CADM2: variants seen among roughly 807,000 people sequenced by gnomAD.
The protein encoded by CADM2 is cell adhesion molecule 2.
In CADM2, 12 loss-of-function variants were observed where a neutral mutation model predicts 49.8. The ratio of observed to expected loss-of-function variants is 0.24; its 90% CI spans 0.15 to 0.39. The LOEUF (loss-of-function observed/expected upper bound fraction) is 0.39. Among genes scored for constraint, CADM2 ranks in the 10% least tolerant of loss-of-function variants. The pLI is 1.00. For synonymous variants in CADM2, 214 were observed against 175.4 expected (o/e 1.22, Z -1.74); for missense variants, 378 against 492.3 (o/e 0.77, Z 2.20).
At chr3:85,513,662 T>G (rs1009959967) in intron 1 of CADM2, among the ~76,000 whole-genome samples, 1 of 152,006 alleles carries the variant, frequency 6.6e-6, no homozygotes, top group Admixed American at 6.6e-5. Context: ...AAAAAACTTT[T>G]TTGGCATAAA....
intron 1 of CADM2, among the ~76,000 whole-genome samples, chr3:85,007,139 A>G (rs563927890): frequency 6.6e-6 from 1 of 152,278 alleles, no homozygotes; most frequent in Non-Finnish European, 1.5e-5. Context: ...AGAAATAAGG[A>G]AAAATATTGA....
intron 2 of CADM2, among the ~76,000 whole-genome samples, chr3:85,793,919 A>G (rs915332957): frequency 2.6e-5 from 4 of 152,186 alleles, no homozygotes; most frequent in African/African-American, 9.6e-5. Flanking sequence ...TCAAAATCAC[A>G]GAACTGCATC....
intron 8 of CADM2, among the ~76,000 whole-genome samples, chr3:85,963,369 T>C (rs1725079273): frequency 6.6e-6 from 1 of 151,932 alleles, no homozygotes; most frequent in African/African-American, 2.4e-5. Flanking sequence ...CCTGCTGGCC[T>C]TTCTGCCAGA....
At chr3:85,894,628 A>G (rs12638299) in intron 5 of CADM2, among the ~76,000 whole-genome samples, 1,845 of 152,220 alleles carry the variant, frequency 0.012, 49 homozygotes, top group South Asian at 0.093. Flanking sequence ...CTTCAGGGCA[A>G]CCCCTCTCAT....
At chr3:86,014,005 C>T in intron 8 of CADM2, 2 of 1,420,146 alleles carry the variant, frequency 1.4e-6, no homozygotes, top group Admixed American at 2.2e-5. Flanking sequence ...GAAGTTTGTT[C>T]TTTTTTCCCT....
rs191993314 is a variant in CADM2 at position 85,292,996 on chromosome 3, C to G, written c.61+333328C>G. On this transcript the variant is annotated intron_variant, in intron 1 of 9. Coordinates refer to ENST00000383699, the MANE Select transcript of CADM2 (RefSeq NM_001167675.2). ...AAGCCCTTCAAAAAATTAATGATTC[C>G]AGGAGCTGGTTTTTTGAAAGGATCA... Among the ~76,000 whole-genome samples the G allele has an allele frequency of 4.7e-3, 711 of 152,158 alleles. 4 individuals are homozygous for G. The highest frequency in any genetic ancestry group is 0.027 in the Middle Eastern group (8 of 294).
chr3:85,919,831 A>G (rs1176523296), intron 6 of CADM2, among the ~76,000 whole-genome samples: 43 of 151,878 alleles, frequency 2.8e-4, no homozygotes, highest in Admixed American at 2.8e-3. Flanking sequence ...TAGTTGCAAA[A>G]CAATGAAATT....
intron 1 of CADM2, among the ~76,000 whole-genome samples, chr3:85,510,202 G>A (rs993126407): frequency 5.9e-5 from 9 of 151,968 alleles, no homozygotes; most frequent in African/African-American, 2.2e-4. Context: ...AAGGAGCTAT[G>A]TGTATCTAAG....
intron 1 of CADM2, among the ~76,000 whole-genome samples, chr3:84,978,731 AAATTTTAAGTCATGG>A (rs1372101766): frequency 6.6e-6 from 1 of 152,204 alleles, no homozygotes; most frequent in Non-Finnish European, 1.5e-5. Flanking sequence ...TTTTTATCAG[AAATTTTAAGTCATGG>A]AATTATAACT....
intron 1 of CADM2, among the ~76,000 whole-genome samples, chr3:85,112,792 T>A (rs1414512833): frequency 6.6e-6 from 1 of 151,676 alleles, no homozygotes; most frequent in Non-Finnish European, 1.5e-5. Context: ...AAGACATATG[T>A]CCCCTTTTGT....
chr3:85,493,887 A>AT (rs2039778849), intron 1 of CADM2, among the ~76,000 whole-genome samples: 1 of 152,212 alleles, frequency 6.6e-6, no homozygotes, highest in East Asian at 1.9e-4. Context: ...ATAGAATGTA[A>AT]TTTTTTATTT....
intron 1 of CADM2, among the ~76,000 whole-genome samples, chr3:85,094,574 A>C (rs2037723940): frequency 6.6e-6 from 1 of 152,178 alleles, no homozygotes; most frequent in African/African-American, 2.4e-5. Flanking sequence ...ATGAGTTGGT[A>C]ATTCTACTGA....
At chr3:85,285,721 T>C (rs1039841524) in intron 1 of CADM2, among the ~76,000 whole-genome samples, 1 of 151,944 alleles carries the variant, frequency 6.6e-6, no homozygotes, top group African/African-American at 2.4e-5. Flanking sequence ...TTTCTTCTCA[T>C]GAACATATTA....
chr3:85,221,554 T>C (rs1374612719), intron 1 of CADM2, among the ~76,000 whole-genome samples: 1 of 152,010 alleles, frequency 6.6e-6, no homozygotes, highest in East Asian at 1.9e-4. Context: ...TTCTTGAAAA[T>C]TGGAGAGTAT....
chr3:85,594,804 G>A (rs969387678), intron 1 of CADM2, among the ~76,000 whole-genome samples: 17 of 152,012 alleles, frequency 1.1e-4, no homozygotes, highest in Admixed American at 1.3e-4. Flanking sequence ...TCTACATTCT[G>A]TTGTATTTGA....
intron 1 of CADM2, among the ~76,000 whole-genome samples, chr3:85,538,457 T>C (rs1482091696): frequency 6.6e-6 from 1 of 151,928 alleles, no homozygotes; most frequent in Admixed American, 6.6e-5. Context: ...AAGTAGCTTG[T>C]GCCCTTTCCA....
rs527941314 is a variant in CADM2, at chr3:84,959,550, C to G, written c.-58C>G. The G allele has an allele frequency of 1.4e-4, 209 of 1,479,330 alleles. 1 individual carries two copies. In the East Asian group the frequency reaches 5.0e-3, roughly 35 times the overall value. The allele number at this position is 1,479,330 out of a possible 1,614,324, so 91.6% of individuals were successfully genotyped here. The stretch of plus-strand genomic sequence containing the variant: ...AGCGGAGCCCTGCACTCTCGTGCCC[C>G]GCTCACCAGCATCTACTTGCCCCCT... On this transcript the variant is annotated 5_prime_UTR_variant, in exon 1 of 10. Coordinates refer to ENST00000383699, the MANE Select transcript of CADM2 (RefSeq NM_001167675.2).
chr3:85,769,454 A>ACG lies in CADM2; in HGVS notation c.89-32593_89-32592insCG, dbSNP rs1434987302. Among the ~76,000 whole-genome samples, 535 of 86,776 alleles carry ACG rather than the reference A, an allele frequency of 6.2e-3. 26 individuals are homozygous for ACG. The highest frequency in any genetic ancestry group is 0.025 in the Middle Eastern group (2 of 80). 56.9% of individuals were successfully genotyped at this position (86,776 alleles called of 152,430 possible). A position where few individuals can be genotyped will look rare whatever the true frequency, so the allele number is the denominator to read the frequency against. ...ATATAGTATATATACACGTATATAC[A>ACG]TATATACATATATAGTATATATACA... On this transcript the variant is annotated intron_variant, in intron 2 of 9. Coordinates refer to ENST00000383699, the MANE Select transcript of CADM2 (RefSeq NM_001167675.2).
At chr3:85,948,106 A>T (rs559067524) in intron 7 of CADM2, among the ~76,000 whole-genome samples, 20 of 151,544 alleles carry the variant, frequency 1.3e-4, no homozygotes, top group Non-Finnish European at 3.0e-4. Flanking sequence ...AAAATACATT[A>T]ATTTTTGAGA....
Sources: gnomAD v4.1 joint callset for allele counts (sites outside exome capture counted in the v4.1 genomes callset) on GRCh38, gnomAD v4.1.1 for gene constraint, MANE v1.5 for transcripts, NCBI Gene and HGNC (gene_info 2026-07-23, HGNC 2026-07-21) for gene names.